APC2: variants seen among roughly 807,000 people sequenced by gnomAD.
APC2 encodes APC regulator of Wnt signaling pathway 2.
APC2 carries 41 observed loss-of-function variants against 72.5 expected under a neutral mutation model. The ratio of observed to expected loss-of-function variants is 0.57; its 90% confidence interval spans 0.44 to 0.73. APC2 has a LOEUF of 0.73. Among genes scored for constraint, APC2 ranks in the 30% least tolerant of loss-of-function variants. The pLI is 0.00. For missense variants in APC2, 3,729 were observed against 3,403.4 expected (o/e 1.10, Z -2.38); for synonymous variants, 1,898 against 1,612.0 (o/e 1.18, Z -4.25).
rs768975136 is a variant in APC2 at position 1,466,585 on chromosome 19, C to G, written c.3284C>G (p.Ser1095Cys). Reference protein sequence around the residue: ...SEGGDLDDSDSSLEGLEEAGP... With the variant: ...SEGGDLDDSDCSLEGLEEAGP... ...GGTGGTGACCTGGATGACAGTGACT[C>G]CTCCCTGGAGGGGCTGGAGGAGGCC... The change falls in exon 15 of 15, where the codon TCC (serine) becomes TGC (cysteine). Residue 1095 changes from serine (S) to cysteine (C), a missense_variant. Coordinates refer to ENST00000590469, the MANE Select transcript of APC2 (RefSeq NM_005883.3). 17 of 1,571,248 alleles carry G rather than the reference C, an allele frequency of 1.1e-5. No homozygotes were observed. The highest frequency in any genetic ancestry group is 1.5e-5 in the Non-Finnish European group (17 of 1,166,034).
intron 14 of APC2, among the ~76,000 whole-genome samples, chr19:1,464,930 GCCTA>G (rs895594711): frequency 1.2e-4 from 17 of 144,344 alleles, no homozygotes; most frequent in African/African-American, 4.5e-4. Flanking sequence ...ACTGCACCCG[GCCTA>G]CCTTTTTTTT....
Position 1,465,651 on chromosome 19 carries a change from C to T in APC2, c.2350C>T (p.Pro784Ser), listed in dbSNP as rs768343021. 3 of 1,603,168 alleles carry T rather than the reference C, an allele frequency of 1.9e-6. No homozygotes were observed. Among genetic ancestry groups the T allele is most frequent in the Non-Finnish European group, 2.6e-6 (3 of 1,175,878 alleles). Residue 784 changes from proline (P) to serine (S), a missense_variant, in exon 15 of 15, where the codon CCG (proline) becomes TCG (serine). Pro to Ser is a moderately conservative substitution (Grantham distance 74). Coordinates refer to ENST00000590469, the MANE Select transcript of APC2 (RefSeq NM_005883.3). The stretch of plus-strand genomic sequence containing the variant: ...GGGCTGCTTTGACGACGACGATGCA[C>T]CGTCATCCCTGGCTGCGGCCGCGGC... ...DSGCFDDDDAPSSLAAAAATG... is the reference protein window; with the variant it reads ...DSGCFDDDDASSSLAAAAATG...
chr19:1,454,937 G>C (rs1230530354), intron 4 of APC2, among the ~76,000 whole-genome samples: 2 of 150,704 alleles, frequency 1.3e-5, no homozygotes, highest in Non-Finnish European at 3.0e-5. Flanking sequence ...TGCCCAGACT[G>C]TTTTCTCTCC....
rs2084112831 is a variant in APC2, at chr19:1,470,272, C to T, written c.*59C>T. Reference sequence around the variant, plus strand: ...CGGCCCTGCGGCGCGGTCTGGCTGCCCCATGGGCCTGCGCTGTAGACGTCC... The same window carrying T: ...CGGCCCTGCGGCGCGGTCTGGCTGCTCCATGGGCCTGCGCTGTAGACGTCC... On this transcript the variant is annotated 3_prime_UTR_variant, in exon 15 of 15. Transcript: ENST00000590469. 2 of 1,499,516 alleles carry T rather than the reference C, an allele frequency of 1.3e-6. No individual in the cohort carries two copies. Among genetic ancestry groups the T allele is most frequent in the Admixed American group, 4.2e-5 (2 of 47,186 alleles). 92.9% of individuals were successfully genotyped at this position (1,499,516 alleles called of 1,614,324 possible).
In APC2 at chr19:1,472,224, T is replaced by G. The variant is rs898074172; in HGVS notation, c.*2011T>G. 6.6e-6 allele frequency: 1 copy of G among 152,316 alleles called. No individual in the cohort carries two copies. The highest frequency in any genetic ancestry group is 1.5e-5 in the Non-Finnish European group (1 of 68,108). The allele number at this position is 152,316 out of a possible 1,614,324, so 9.4% of individuals were successfully genotyped here. A position where few individuals can be genotyped will look rare whatever the true frequency, so the allele number is the denominator to read the frequency against. On this transcript the variant is annotated 3_prime_UTR_variant, in exon 15 of 15. Transcript: ENST00000590469. ...AACCTGGTGGTCTCTTCTGAGCTTT[T>G]GGACTTGGGGATGCCAAACACGTGC... is the stretch of plus-strand genomic sequence containing the variant.
intron 11 of APC2, 106 bp downstream of exon 11, chr19:1,460,426 C>T: frequency 2.0e-6 from 3 of 1,499,668 alleles, no homozygotes; most frequent in Non-Finnish European, 2.7e-6. Context: ...AGAGCTGGGG[C>T]CACTTGTCCC....
chr19:1,462,182 G>GCGCGCC lies in APC2; in HGVS notation c.1853+6_1853+7insGCGCCC. 1 of 1,535,434 alleles carries GCGCGCC rather than the reference G, an allele frequency of 6.5e-7. No homozygotes were observed. The stretch of plus-strand genomic sequence containing the variant: ...CGCCACCCGTGAGGACTACAGGTCG[G>GCGCGCC]CCCCCACCCCCCCACCCGCACACAG... On this transcript the variant is annotated splice_donor_region_variant and intron_variant, in intron 14 of 14. Coordinates refer to ENST00000590469, the MANE Select transcript of APC2 (RefSeq NM_005883.3).
upstream of APC2, among the ~76,000 whole-genome samples, chr19:1,447,650 G>A (rs898940414): frequency 2.0e-5 from 3 of 150,660 alleles, no homozygotes; most frequent in African/African-American, 7.4e-5. Context: ...CAGGGTCGAG[G>A]ATTTTAGTGT....
In APC2 at chr19:1,468,521, G is replaced by C. The variant is rs2084067985; in HGVS notation, c.5220G>C (p.Gln1740His). The change falls in exon 15 of 15, where the codon CAG becomes CAC. Residue 1740 changes from glutamine (Q) to histidine (H), a missense_variant. Coordinates refer to ENST00000590469, the MANE Select transcript of APC2 (RefSeq NM_005883.3). ...CCCCCAAGCACAGGAAGGGACGACA[G>C]GCGGAGGGAGAAATGGGCAGTGCCC... ...LQPPKHRKGR[Q>H]AEGEMGSARR... is the part of the protein sequence containing the mutation. 15 of 1,602,930 alleles carry C rather than the reference G, an allele frequency of 9.4e-6. No homozygotes were observed. Among genetic ancestry groups the C allele is most frequent in the African/African-American group, 1.3e-5 (1 of 74,756 alleles).
rs781356146 is a variant in APC2 at position 1,465,683 on chromosome 19, G to A, written c.2382G>A (p.Gly794=). 6.3e-7 allele frequency: 1 copy of A among 1,594,796 alleles called. No homozygotes were observed. The highest frequency in any genetic ancestry group is 8.5e-7 in the Non-Finnish European group (1 of 1,172,588). Residue 794 remains glycine, a synonymous_variant, in exon 15 of 15, where the codon GGG becomes GGA. Transcript: ENST00000590469. ...CCCTGGCTGCGGCCGCGGCCACCGG[G>A]GAGCCAGCCAGCCCTGCCGCGCTGT... The part of the protein sequence containing the change: ...PSSLAAAAAT[G]EPASPAALSL...
rs1205884278 is a variant in APC2 at position 1,468,556 on chromosome 19, A to G, written c.5255A>G (p.Glu1752Gly). ...EGEMGSARRP[E>G]KRGAASVKTS... ...GAAATGGGCAGTGCCCGGCGGCCAG[A>G]GAAAAGGGGCGCAGCCTCAGTCAAG... Residue 1752 changes from glutamate to glycine, a missense_variant, in exon 15 of 15, where the codon GAG becomes GGG. Glu to Gly is a moderately conservative substitution (Grantham distance 98). Coordinates refer to ENST00000590469, the MANE Select transcript of APC2 (RefSeq NM_005883.3). 1 of 1,597,650 alleles carries G rather than the reference A, an allele frequency of 6.3e-7. No homozygotes were observed.
rs2145262911 is a variant in APC2 at position 1,469,808 on chromosome 19, G to A, written c.6507G>A (p.Leu2169=). 1.3e-6 allele frequency: 2 copies of A among 1,521,238 alleles called. No homozygotes were observed. The highest frequency in any genetic ancestry group is 1.8e-6 in the Non-Finnish European group (2 of 1,141,826). 94.2% of individuals were successfully genotyped at this position (1,521,238 alleles called of 1,614,324 possible). Residue 2169 remains leucine, a synonymous_variant, in exon 15 of 15, where the codon CTG becomes CTA. Coordinates refer to ENST00000590469, the MANE Select transcript of APC2 (RefSeq NM_005883.3). ...CGCTTCCCGCCACGGCCCTGCCACT[G>A]CGGGGCTCCACGCCCGAGGACGCCC... The part of the protein sequence containing the change: ...RSTLPATALP[L]RGSTPEDAPA...
chr19:1,468,976 C>A lies in APC2; in HGVS notation c.5675C>A (p.Pro1892Gln). 1.3e-6 allele frequency: 2 copies of A among 1,560,686 alleles called. No individual in the cohort carries two copies. Among genetic ancestry groups the A allele is most frequent in the South Asian group, 1.2e-5 (1 of 84,730 alleles). Residue 1892 changes from proline (P) to glutamine (Q), a missense_variant, in exon 15 of 15, where the codon CCG becomes CAG. Pro to Gln is a moderately conservative substitution (Grantham distance 76). Transcript: ENST00000590469. ...ASQPLPRKRP[P>Q]VTQAAGALPG... ...CAGCCCCTGCCCAGAAAGCGCCCCC[C>A]GGTCACCCAGGCTGCTGGGGCCCTG...
upstream of APC2, among the ~76,000 whole-genome samples, chr19:1,447,670 G>T (rs1476644565): frequency 6.6e-6 from 1 of 151,698 alleles, no homozygotes; most frequent in Non-Finnish European, 1.5e-5. Flanking sequence ...TGTGGGGGGG[G>T]ATTGTTCAGG....
upstream of APC2, among the ~76,000 whole-genome samples, chr19:1,447,965 G>A (rs1307104732): frequency 6.6e-6 from 1 of 152,106 alleles, no homozygotes; most frequent in Non-Finnish European, 1.5e-5. Flanking sequence ...CAGGGAGGTG[G>A]GACTTAGTTC....
At position 1,470,376 on chromosome 19, in the gene APC2, C is replaced by A; in HGVS notation, c.*163C>A. ...CCCCGCCCAGCGCACGGCGACCTCG[C>A]GCCTCACCGGAAGACCTTGCCTCTG... On this transcript the variant is annotated 3_prime_UTR_variant, in exon 15 of 15. Transcript: ENST00000590469. The A allele has an allele frequency of 9.4e-7, 1 of 1,067,776 alleles. No individual in the cohort carries two copies. The highest frequency in any genetic ancestry group is 1.3e-6 in the Non-Finnish European group (1 of 782,042). The allele number at this position is 1,067,776 out of a possible 1,614,324, so 66.1% of individuals were successfully genotyped here. A position where few individuals can be genotyped will look rare whatever the true frequency, so the allele number is the denominator to read the frequency against.
chr19:1,469,594 G>C lies in APC2; in HGVS notation c.6293G>C (p.Arg2098Pro). The change falls in exon 15 of 15, where the codon CGC (arginine) becomes CCC (proline). Residue 2098 changes from arginine to proline, a missense_variant. Transcript: ENST00000590469. ...APAARPETVK[R>P]YASLPHISVA... Reference sequence around the variant, plus strand: ...GCCGCCCGGCCGGAGACTGTCAAGCGCTACGCGTCGCTGCCGCACATCAGC... The same window carrying C: ...GCCGCCCGGCCGGAGACTGTCAAGCCCTACGCGTCGCTGCCGCACATCAGC... 1 of 1,257,336 alleles carries C rather than the reference G, an allele frequency of 8.0e-7. No homozygotes were observed. The highest frequency in any genetic ancestry group is 3.3e-5 in the Admixed American group (1 of 30,588). 77.9% of individuals were successfully genotyped at this position (1,257,336 alleles called of 1,614,324 possible).
chr19:1,471,395 G>A lies in APC2; in HGVS notation c.*1182G>A, dbSNP rs1055479034. ...AAGGCGGGAGGTTCGGGGGCCTTCC[G>A]GCAGGTGAACGCAGGGCTGGAGAGT... On this transcript the variant is annotated 3_prime_UTR_variant, in exon 15 of 15. Transcript: ENST00000590469. The A allele has an allele frequency of 6.6e-6, 1 of 152,394 alleles. No homozygotes were observed. Among genetic ancestry groups the A allele is most frequent in the East Asian group, 1.9e-4 (1 of 5,208 alleles). The allele number at this position is 152,394 out of a possible 1,614,324, so 9.4% of individuals were successfully genotyped here.
rs1281840744 is a variant in APC2 at position 1,456,315 on chromosome 19, GC to G, written c.728del (p.Ala243GlyfsTer2). The G allele has an allele frequency of 6.2e-7, 1 of 1,608,096 alleles. No individual in the cohort carries two copies. Among genetic ancestry groups the G allele is most frequent in the Non-Finnish European group, 8.5e-7 (1 of 1,178,048 alleles). The stretch of plus-strand genomic sequence containing the variant: ...GGTGCTCTCCCTGCAGGCCTTGCTG[GC>G]GGTGAAGTCGGTGCCGGTGGACGAG... ...VQQTEPQALL[A>X]VKSVPVDEDP... On this transcript the variant is annotated frameshift_variant, in exon 8 of 15. Coordinates refer to ENST00000590469, the MANE Select transcript of APC2 (RefSeq NM_005883.3). LOFTEE classifies it high-confidence loss of function.
Sources: allele counts gnomAD v4.1 joint callset (sites outside exome capture counted in the v4.1 genomes callset), GRCh38; gene constraint gnomAD v4.1.1; transcripts MANE v1.5; gene names NCBI Gene and HGNC (gene_info 2026-07-23, HGNC 2026-07-21).